The following ZNF407 variants were observed in gnomAD, a reference collection of about 807,000 sequenced individuals.
The protein encoded by ZNF407 is zinc finger protein 407.
A neutral mutation model predicts 131.2 loss-of-function variants in ZNF407; 17 were observed. The ratio of observed to expected loss-of-function variants is 0.13; its 90% confidence interval spans 0.09 to 0.19. ZNF407 has a LOEUF of 0.19. Among genes scored for constraint, ZNF407 ranks in the 10% least tolerant of loss-of-function variants. ZNF407 has a pLI of 1.00. For synonymous variants in ZNF407, 1,156 were observed against 1,062.0 expected, an observed-to-expected ratio of 1.09 and a Z score of -1.72; for missense variants, 2,681 against 2,830.6, an observed-to-expected ratio of 0.95 and a Z score of 1.20.
chr18:74,627,233 A>G (rs889270249), intron 1 of ZNF407, among the ~76,000 whole-genome samples: 13 of 152,116 alleles, frequency 8.5e-5, no homozygotes, highest in East Asian at 3.9e-4. Flanking sequence ...GGGTTGGACA[A>G]TGTATCTGTT....
chr18:74,672,242 A>G (rs927296992), intron 3 of ZNF407, among the ~76,000 whole-genome samples: 1 of 152,198 alleles, frequency 6.6e-6, no homozygotes, highest in Admixed American at 6.5e-5. Context: ...TAATACAGTT[A>G]TTTGACTGAT....
At chr18:74,724,962 A>T (rs547630829) in intron 3 of ZNF407, among the ~76,000 whole-genome samples, 1 of 152,300 alleles carries the variant, frequency 6.6e-6, no homozygotes, top group East Asian at 1.9e-4. Context: ...TGAGGCTTCA[A>T]CCTTTCAAGC....
At chr18:75,029,328 G>A (rs1973209943) in intron 8 of ZNF407, among the ~76,000 whole-genome samples, 1 of 152,178 alleles carries the variant, frequency 6.6e-6, no homozygotes, top group South Asian at 2.1e-4. Flanking sequence ...GTTTTATATA[G>A]CCTGGTTAAC....
intron 4 of ZNF407, among the ~76,000 whole-genome samples, chr18:74,860,331 A>G (rs928499562): frequency 1.3e-5 from 2 of 150,998 alleles, no homozygotes; most frequent in Non-Finnish European, 3.0e-5. Flanking sequence ...AAGAAGAAGA[A>G]AATTCATAGG....
chr18:74,699,838 T>C (rs1967449978), intron 3 of ZNF407, among the ~76,000 whole-genome samples: 1 of 152,258 alleles, frequency 6.6e-6, no homozygotes, highest in Admixed American at 6.5e-5. Flanking sequence ...CTAACATCTT[T>C]GTAATACTTA....
intron 3 of ZNF407, among the ~76,000 whole-genome samples, chr18:74,756,461 T>G (rs1968965783): frequency 6.6e-6 from 1 of 152,202 alleles, no homozygotes; most frequent in Non-Finnish European, 1.5e-5. Flanking sequence ...TGGGATTTCT[T>G]TCTATTTACT....
intron 8 of ZNF407, among the ~76,000 whole-genome samples, chr18:75,008,677 G>A (rs533858424): frequency 1.8e-4 from 27 of 152,280 alleles, no homozygotes; most frequent in Middle Eastern, 3.4e-3. Context: ...TTGTTTTTAA[G>A]ATGAATATAT....
rs774713580 is a variant in ZNF407, at chr18:74,631,923, C to G, written c.904C>G (p.His302Asp). ...ACGTACAATGGCAACAAAAAATGTT[C>G]ACTCAAAACCAAGAACTTCTAAATC... ...KSRTMATKNV[H>D]SKPRTSKSIA... Residue 302 changes from histidine to aspartate, a missense_variant, in exon 2 of 9, where the codon CAC becomes GAC. His to Asp is a moderately conservative substitution (Grantham distance 81, BLOSUM62 -1). Transcript: ENST00000299687. 6.2e-7 allele frequency: 1 copy of G among 1,613,862 alleles called. No homozygotes were observed. Among genetic ancestry groups the G allele is most frequent in the Non-Finnish European group, 8.5e-7 (1 of 1,179,876 alleles).
intron 3 of ZNF407, among the ~76,000 whole-genome samples, chr18:74,718,265 A>G (rs900763501): frequency 6.6e-6 from 1 of 150,756 alleles, no homozygotes; most frequent in Non-Finnish European, 1.5e-5. Context: ...CGTCACTGTT[A>G]ACTTATTTGC....
At chr18:74,754,255 T>TTGC (rs1198941813) in intron 3 of ZNF407, among the ~76,000 whole-genome samples, 7 of 152,190 alleles carry the variant, frequency 4.6e-5, no homozygotes, top group Admixed American at 2.0e-4. Context: ...TTCATTAGTC[T>TTGC]TGCTAGCGGT....
intron 7 of ZNF407, among the ~76,000 whole-genome samples, chr18:74,900,247 G>A (rs1971506048): frequency 2.0e-5 from 3 of 152,122 alleles, no homozygotes; most frequent in Non-Finnish European, 4.4e-5. Flanking sequence ...CTATTGTCCT[G>A]TGGGTCGTCT....
intron 4 of ZNF407, among the ~76,000 whole-genome samples, chr18:74,851,403 T>C (rs1208901509): frequency 6.6e-6 from 1 of 152,238 alleles, no homozygotes; most frequent in Non-Finnish European, 1.5e-5. Flanking sequence ...ATTTTCATGA[T>C]TCTGAAAATT....
intron 8 of ZNF407, among the ~76,000 whole-genome samples, chr18:74,944,118 G>T (rs923062926): frequency 1.3e-4 from 20 of 152,100 alleles, no homozygotes; most frequent in African/African-American, 4.3e-4. Context: ...TAGTTCTTTT[G>T]ATTAAAGTGC....
intron 4 of ZNF407, among the ~76,000 whole-genome samples, chr18:74,816,110 A>C (rs1970264658): frequency 6.6e-6 from 1 of 152,226 alleles, no homozygotes; most frequent in Non-Finnish European, 1.5e-5. Context: ...AGGGACAATC[A>C]TGAATTTGTT....
chr18:74,702,829 C>T (rs7237619), intron 3 of ZNF407, among the ~76,000 whole-genome samples: 12,924 of 152,150 alleles, frequency 0.085, 744 homozygotes, highest in African/African-American at 0.16. Context: ...GTTGGCTATA[C>T]GCAGTTGTAT....
intron 3 of ZNF407, among the ~76,000 whole-genome samples, chr18:74,776,786 A>C (rs1256161579): frequency 6.6e-6 from 1 of 152,244 alleles, no homozygotes; most frequent in Non-Finnish European, 1.5e-5. Context: ...GCAGATGAAC[A>C]CATTCTGTAT....
intron 4 of ZNF407, among the ~76,000 whole-genome samples, chr18:74,830,842 G>A (rs1970472637): frequency 6.6e-6 from 1 of 152,114 alleles, no homozygotes; most frequent in Non-Finnish European, 1.5e-5. Flanking sequence ...TCCTACAGCG[G>A]TATCTAACCC....
intron 3 of ZNF407, among the ~76,000 whole-genome samples, chr18:74,692,264 G>A (rs1022162555): frequency 6.6e-6 from 1 of 152,050 alleles, no homozygotes; most frequent in African/African-American, 2.4e-5. Context: ...AGGTTTTGCT[G>A]GTGGTACCTT....
chr18:74,921,611 A>G (rs531958552), intron 8 of ZNF407, among the ~76,000 whole-genome samples: 1 of 152,302 alleles, frequency 6.6e-6, no homozygotes, highest in Non-Finnish European at 1.5e-5. Flanking sequence ...GGTTTCCCAT[A>G]CGTAAATCTG....
Sources: gnomAD v4.1 joint callset for allele counts (sites outside exome capture counted in the v4.1 genomes callset) on GRCh38, gnomAD v4.1.1 for gene constraint, MANE v1.5 for transcripts, NCBI Gene and HGNC (gene_info 2026-07-23, HGNC 2026-07-21) for gene names.